NKAIN2: variants seen among roughly 807,000 people sequenced by gnomAD.
The protein encoded by NKAIN2 is sodium/potassium-transporting ATPase subunit beta-1-interacting protein 2.
In NKAIN2, 14 loss-of-function variants were observed where a neutral mutation model predicts 32.6. The ratio of observed to expected loss-of-function variants is 0.43; its 90% CI spans 0.28 to 0.67. The LOEUF (loss-of-function observed/expected upper bound fraction) is 0.67. NKAIN2 is among the 30% of genes least tolerant of loss of function. The probability of loss-of-function intolerance (pLI) is 0.17; values close to 1 mark genes in which losing one functional copy is unlikely to be tolerated. For missense variants in NKAIN2, 198 were observed against 258.3 expected (o/e 0.77, Z 1.60); for synonymous variants, 80 against 87.2 (o/e 0.92, Z 0.46).
Position 124,464,174 on chromosome 6 carries a change from G to A in NKAIN2, c.273+108827G>A, listed in dbSNP as rs139232228. Among the ~76,000 whole-genome samples, 698 of 152,194 alleles carry A rather than the reference G, an allele frequency of 4.6e-3. 2 individuals are homozygous for A. The highest frequency in any genetic ancestry group is 7.8e-3 in the Non-Finnish European group (532 of 68,006). ...GAATAATTTTTGCATTTTTAGTAGA[G>A]ATGGAGTTTTGTCACATTGGCCAGA... On this transcript the variant is annotated intron_variant, in intron 3 of 6. Transcript: ENST00000368417.
intron 1 of NKAIN2, among the ~76,000 whole-genome samples, chr6:123,870,283 G>C (rs12189898): frequency 5.3e-5 from 8 of 151,950 alleles, no homozygotes; most frequent in Non-Finnish European, 1.0e-4. Context: ...GTGTGTGTTG[G>C]GGGGAGTTGG....
chr6:124,155,897 C>T (rs1314887312), intron 1 of NKAIN2, among the ~76,000 whole-genome samples: 1 of 151,160 alleles, frequency 6.6e-6, no homozygotes, highest in Non-Finnish European at 1.5e-5. Flanking sequence ...ACCTTAAGGT[C>T]CTTTGAATAG....
intron 1 of NKAIN2, among the ~76,000 whole-genome samples, chr6:124,275,392 T>A (rs1401477527): frequency 6.6e-6 from 1 of 152,096 alleles, no homozygotes; most frequent in Non-Finnish European, 1.5e-5. Flanking sequence ...TATGAGAAAA[T>A]GCACTTCTTG....
At chr6:124,618,541 C>T (rs1442793959) in intron 3 of NKAIN2, among the ~76,000 whole-genome samples, 2 of 152,234 alleles carry the variant, frequency 1.3e-5, no homozygotes, top group Non-Finnish European at 2.9e-5. Context: ...GACTTTCTTA[C>T]ATTCATATTT....
At chr6:124,207,365 CTCTTA>C (rs1444589071) in intron 1 of NKAIN2, among the ~76,000 whole-genome samples, 2 of 151,064 alleles carry the variant, frequency 1.3e-5, no homozygotes, top group African/African-American at 4.9e-5. Context: ...TATTAAGGGG[CTCTTA>C]TCTTAATCTC....
chr6:124,188,287 G>A (rs1428879140), intron 1 of NKAIN2, among the ~76,000 whole-genome samples: 5 of 152,122 alleles, frequency 3.3e-5, no homozygotes, highest in African/African-American at 4.8e-5. Flanking sequence ...GGACTAGCTG[G>A]GCAAGTTTGA....
chr6:124,099,237 A>T (rs1784776670), intron 1 of NKAIN2, among the ~76,000 whole-genome samples: 1 of 152,320 alleles, frequency 6.6e-6, no homozygotes, highest in African/African-American at 2.4e-5. Flanking sequence ...TAGAGATGTT[A>T]TCCCATTTAA....
chr6:124,564,501 C>T (rs1780827521), intron 3 of NKAIN2, among the ~76,000 whole-genome samples: 1 of 152,196 alleles, frequency 6.6e-6, no homozygotes, highest in Non-Finnish European at 1.5e-5. Context: ...CCCTCCCCCA[C>T]CAGCCAGCAG....
intron 1 of NKAIN2, among the ~76,000 whole-genome samples, chr6:124,032,550 C>T (rs1302376686): frequency 6.6e-6 from 1 of 151,888 alleles, no homozygotes; most frequent in Non-Finnish European, 1.5e-5. Context: ...GTCATTTTTA[C>T]CATTATTTGA....
chr6:124,157,989 C>G (rs887769242), intron 1 of NKAIN2, among the ~76,000 whole-genome samples: 2 of 152,118 alleles, frequency 1.3e-5, no homozygotes, highest in Non-Finnish European at 2.9e-5. Context: ...GTGCAAAAGT[C>G]TAAATATCAA....
In NKAIN2 at chr6:124,545,353, TATA is replaced by T. The variant is rs548936139; in HGVS notation, c.274-112827_274-112825del. Among the ~76,000 whole-genome samples, 189 of 152,216 alleles carry T rather than the reference TATA, an allele frequency of 1.2e-3. 1 individual carries two copies. The highest frequency in any genetic ancestry group is 4.3e-3 in the African/African-American group (180 of 41,552). Reference sequence around the variant, plus strand: ...GTCTCCCTTTTCTCCCTATTAAAACTATAATAATCCCTTTGCCCATAAAGACAA... The same window carrying T: ...GTCTCCCTTTTCTCCCTATTAAAACTATAATCCCTTTGCCCATAAAGACAA... On this transcript the variant is annotated intron_variant, in intron 3 of 6. Transcript: ENST00000368417.
At chr6:124,627,103 C>T (rs988363293) in intron 3 of NKAIN2, among the ~76,000 whole-genome samples, 5 of 152,046 alleles carry the variant, frequency 3.3e-5, no homozygotes, top group Admixed American at 6.6e-5. Context: ...AATTCCGTCT[C>T]TACTAAAAAT....
At position 124,380,097 on chromosome 6, in the gene NKAIN2, A is replaced by G. The variant is rs78781848; in HGVS notation, c.273+24750A>G. On this transcript the variant is annotated intron_variant, in intron 3 of 6. Coordinates refer to ENST00000368417, the MANE Select transcript of NKAIN2 (RefSeq NM_001040214.3). ...AAGAAGAAATGTGCTCCATTGTTGA[A>G]TAGTTAGTACAAGGATCAACAGAAG... is the stretch of plus-strand genomic sequence containing the variant. 8.6e-3 allele frequency among the ~76,000 whole-genome samples: 1,307 copies of G among 152,296 alleles called. 19 individuals carry two copies. Among genetic ancestry groups the G allele is most frequent in the African/African-American group, 0.03 (1,229 of 41,560 alleles).
At chr6:124,025,084 A>C (rs1339065119) in intron 1 of NKAIN2, among the ~76,000 whole-genome samples, 1 of 152,226 alleles carries the variant, frequency 6.6e-6, no homozygotes, top group Non-Finnish European at 1.5e-5. Context: ...TGCTAAGTAT[A>C]AGATGCCTGG....
intron 3 of NKAIN2, among the ~76,000 whole-genome samples, chr6:124,632,154 T>C (rs976714790): frequency 6.6e-6 from 1 of 152,222 alleles, no homozygotes; most frequent in Admixed American, 6.5e-5. Context: ...TGATTACAGC[T>C]GTGAACACAC....
chr6:124,288,309 C>T (rs1441822754), intron 2 of NKAIN2, among the ~76,000 whole-genome samples: 2 of 152,194 alleles, frequency 1.3e-5, no homozygotes, highest in African/African-American at 2.4e-5. Flanking sequence ...CTTAGAGGCA[C>T]AGTTCAGAGA....
chr6:123,979,330 TCTC>T (rs1362091095), intron 1 of NKAIN2, among the ~76,000 whole-genome samples: 1 of 152,302 alleles, frequency 6.6e-6, no homozygotes, highest in East Asian at 1.9e-4. Flanking sequence ...TTGTGCTCCT[TCTC>T]ATAGGGCAGT....
chr6:124,093,782 T>C (rs949216312), intron 1 of NKAIN2, among the ~76,000 whole-genome samples: 1 of 152,054 alleles, frequency 6.6e-6, no homozygotes, highest in Non-Finnish European at 1.5e-5. Flanking sequence ...GCTATAGCAG[T>C]TAAGATGAGA....
At chr6:124,781,601 G>T (rs1453996131) in intron 4 of NKAIN2, among the ~76,000 whole-genome samples, 1 of 152,070 alleles carries the variant, frequency 6.6e-6, no homozygotes, top group Non-Finnish European at 1.5e-5. Context: ...GGTAATAATG[G>T]TATTGCTAGT....
Sources: gnomAD v4.1 joint callset for allele counts (sites outside exome capture counted in the v4.1 genomes callset) on GRCh38, gnomAD v4.1.1 for gene constraint, MANE v1.5 for transcripts, NCBI Gene and HGNC (gene_info 2026-07-23, HGNC 2026-07-21) for gene names.